LDB2: variants seen among roughly 807,000 people sequenced by gnomAD.
LDB2 encodes LIM domain-binding protein 2.
Under a neutral mutation model 44.3 loss-of-function variants are expected in LDB2, and 12 were observed. The observed-to-expected ratio is 0.27, with a 90% CI of 0.17 to 0.44. LDB2 has a LOEUF of 0.44. LDB2 is among the 20% of genes least tolerant of loss of function. The pLI, the probability that LDB2 is intolerant of heterozygous loss-of-function variation, is 1.00. For synonymous variants in LDB2, 164 were observed against 174.8 expected, an observed-to-expected ratio of 0.94 and a Z score of 0.49; for missense variants, 344 against 473.5, an observed-to-expected ratio of 0.73 and a Z score of 2.54.
At chr4:16,676,845 T>G (rs1400756262) in intron 2 of LDB2, among the ~76,000 whole-genome samples, 1 of 152,036 alleles carries the variant, frequency 6.6e-6, no homozygotes, top group Non-Finnish European at 1.5e-5. Context: ...AGGTGGAGTG[T>G]GAGTTTAGGC....
intron 2 of LDB2, among the ~76,000 whole-genome samples, chr4:16,623,500 G>A (rs1729440812): frequency 6.6e-6 from 1 of 152,160 alleles, no homozygotes; most frequent in Non-Finnish European, 1.5e-5. Context: ...AGGAGGCTGA[G>A]GCAGGAGAAT....
At chr4:16,637,961 G>A (rs879361643) in intron 2 of LDB2, among the ~76,000 whole-genome samples, 26 of 152,184 alleles carry the variant, frequency 1.7e-4, no homozygotes, top group Non-Finnish European at 3.4e-4. Context: ...AGGACAGCTT[G>A]AGCAAGTGGC....
intron 2 of LDB2, among the ~76,000 whole-genome samples, chr4:16,753,073 G>A (rs1364076019): frequency 6.6e-6 from 1 of 152,180 alleles, no homozygotes; most frequent in Non-Finnish European, 1.5e-5. Context: ...ACACACACGG[G>A]TCTTAAATTC....
intron 2 of LDB2, among the ~76,000 whole-genome samples, chr4:16,639,259 T>C (rs1734494132): frequency 6.6e-6 from 1 of 152,182 alleles, no homozygotes; most frequent in Non-Finnish European, 1.5e-5. Context: ...GTAAAATAAT[T>C]TAAAGGTTAA....
intron 5 of LDB2, among the ~76,000 whole-genome samples, chr4:16,572,976 C>T (rs1161671697): frequency 6.6e-6 from 1 of 152,166 alleles, no homozygotes. Flanking sequence ...GTTTCAGAGG[C>T]CGAATCCTCA....
At chr4:16,793,823 T>C (rs771471350) in intron 1 of LDB2, among the ~76,000 whole-genome samples, 25 of 152,280 alleles carry the variant, frequency 1.6e-4, no homozygotes, top group Admixed American at 2.6e-4. Context: ...AACATGAAAG[T>C]TAAGAGGGAC....
chr4:16,558,047 A>G (rs1043694416), intron 5 of LDB2, among the ~76,000 whole-genome samples: 1 of 152,348 alleles, frequency 6.6e-6, no homozygotes, highest in East Asian at 1.9e-4. Flanking sequence ...AAGGACATCC[A>G]CACCAAAAAC....
intron 2 of LDB2, among the ~76,000 whole-genome samples, chr4:16,666,276 C>T (rs1449740404): frequency 6.6e-6 from 1 of 152,124 alleles, no homozygotes. Context: ...CTGGCTCACA[C>T]GGGAGCAATA....
intron 2 of LDB2, among the ~76,000 whole-genome samples, chr4:16,726,995 T>G (rs10516306): frequency 6.6e-6 from 1 of 152,142 alleles, no homozygotes; most frequent in Admixed American, 6.6e-5. Flanking sequence ...CATGGGTCGG[T>G]TTGCTTTAGA....
chr4:16,657,330 CCAT>C (rs1438976712), intron 2 of LDB2, among the ~76,000 whole-genome samples: 1 of 152,044 alleles, frequency 6.6e-6, no homozygotes, highest in African/African-American at 2.4e-5. Flanking sequence ...AGAATCAGTC[CCAT>C]CATCATCATT....
intron 1 of LDB2, among the ~76,000 whole-genome samples, chr4:16,868,294 AG>A (rs1294728317): frequency 6.6e-6 from 1 of 152,218 alleles, no homozygotes; most frequent in Non-Finnish European, 1.5e-5. Context: ...GATAGGACAA[AG>A]GTATTATTAC....
intron 2 of LDB2, among the ~76,000 whole-genome samples, chr4:16,739,283 G>A (rs767721414): frequency 1.8e-4 from 28 of 151,528 alleles, no homozygotes; most frequent in Non-Finnish European, 2.8e-4. Flanking sequence ...AAGTCATTAC[G>A]ATTTCAAAAT....
chr4:16,545,391 C>G (rs1013504004), intron 5 of LDB2, among the ~76,000 whole-genome samples: 12 of 152,186 alleles, frequency 7.9e-5, no homozygotes, highest in Non-Finnish European at 1.6e-4. Flanking sequence ...CCGCAAAATG[C>G]ATCCCTTGCA....
chr4:16,742,138 C>A (rs1330032497), intron 2 of LDB2, among the ~76,000 whole-genome samples: 1 of 141,106 alleles, frequency 7.1e-6, no homozygotes, highest in Non-Finnish European at 1.5e-5. Context: ...GTGGCACAAT[C>A]TCGGCTCACT....
At chr4:16,832,775 C>G (rs1784277473) in intron 1 of LDB2, among the ~76,000 whole-genome samples, 1 of 152,226 alleles carries the variant, frequency 6.6e-6, no homozygotes, top group African/African-American at 2.4e-5. Context: ...TCTGTAAGTA[C>G]TAAGTACCAC....
At chr4:16,783,675 T>G (rs926895466) in intron 1 of LDB2, among the ~76,000 whole-genome samples, 1 of 152,234 alleles carries the variant, frequency 6.6e-6, no homozygotes, top group Non-Finnish European at 1.5e-5. Context: ...GTTACATGGT[T>G]GTTTTCTTTG....
chr4:16,868,330 C>T (rs1372058065), intron 1 of LDB2, among the ~76,000 whole-genome samples: 1 of 152,192 alleles, frequency 6.6e-6, no homozygotes, highest in East Asian at 1.9e-4. Context: ...ATTGTTCCAA[C>T]ATCACATTCT....
chr4:16,576,691 A>G (rs1382826726), intron 5 of LDB2, among the ~76,000 whole-genome samples: 1 of 152,204 alleles, frequency 6.6e-6, no homozygotes, highest in African/African-American at 2.4e-5. Flanking sequence ...AACTATTCCA[A>G]CAAATAGAGG....
At chr4:16,752,203 C>T (rs927955150) in intron 2 of LDB2, among the ~76,000 whole-genome samples, 1 of 152,164 alleles carries the variant, frequency 6.6e-6, no homozygotes, top group Non-Finnish European at 1.5e-5. Context: ...TGAATGCAAT[C>T]AAAATCAATT....
Sources: gnomAD v4.1 joint callset for allele counts (sites outside exome capture counted in the v4.1 genomes callset) on GRCh38, gnomAD v4.1.1 for gene constraint, MANE v1.5 for transcripts, NCBI Gene and HGNC (gene_info 2026-07-23, HGNC 2026-07-21) for gene names.